The following MTAP variants were observed in gnomAD, a reference collection of about 807,000 sequenced individuals.
MTAP encodes the protein methylthioadenosine phosphorylase.
A neutral mutation model predicts 33.6 loss-of-function variants in MTAP; 33 were observed. The observed-to-expected ratio is 0.98, with a 90% CI of 0.74 to 1.31. The LOEUF is 1.31. MTAP is among the 40% of genes most tolerant of loss of function. MTAP has a pLI of 0.00. For synonymous variants in MTAP, 148 were observed against 125.7 expected (o/e 1.18, Z -1.19); for missense variants, 367 against 360.0 (o/e 1.02, Z -0.16).
intron 1 of MTAP, chr9:21,892,428 T>C (rs564781744): frequency 6.6e-6 from 1 of 151,950 alleles, no homozygotes. Context: ...TGGAGAAAAA[T>C]CTACCAAGCA....
intron 4 of MTAP, among the ~76,000 whole-genome samples, chr9:21,831,398 C>T (rs1420818710): frequency 6.6e-6 from 1 of 152,072 alleles, no homozygotes; most frequent in Admixed American, 6.5e-5. Flanking sequence ...GTGCAGTGGC[C>T]TGATCGCAGC....
At chr9:21,822,374 C>T (rs951827502) in intron 4 of MTAP, among the ~76,000 whole-genome samples, 4 of 152,130 alleles carry the variant, frequency 2.6e-5, no homozygotes, top group African/African-American at 9.7e-5. Context: ...TTTCTGCCTT[C>T]GTTTTGTTAT....
In MTAP at chr9:21,930,816, C is replaced by G. The variant is rs1029664460; in HGVS notation, c.148-192C>G. On this transcript the variant is annotated intron_variant, in intron 1 of 1. Coordinates refer to the MTAP transcript ENST00000577563. ...AAAAGTACAAAACAACATCAGACAA[C>G]TCCTAAATCGAGCCTCCAGCTTACA... is the stretch of plus-strand genomic sequence containing the variant. 2.3e-5 allele frequency: 16 copies of G among 697,232 alleles called. No individual in the cohort carries two copies. In the Admixed American group the frequency reaches 3.8e-4, roughly 17 times the overall value. The allele number at this position is 697,232 out of a possible 1,614,324, so 43.2% of individuals were successfully genotyped here. A position where few individuals can be genotyped will look rare whatever the true frequency, so the allele number is the denominator to read the frequency against.
chr9:21,815,187 A>C (rs1207197698), intron 1 of MTAP, among the ~76,000 whole-genome samples: 1 of 152,246 alleles, frequency 6.6e-6, no homozygotes, highest in Admixed American at 6.5e-5. Flanking sequence ...AATGTGATGT[A>C]GTCCAAAAAG....
chr9:21,897,990 G>C (rs1195197298), intron 1 of MTAP, among the ~76,000 whole-genome samples: 1 of 152,066 alleles, frequency 6.6e-6, no homozygotes, highest in Non-Finnish European at 1.5e-5. Flanking sequence ...TATACTACAA[G>C]GCTACAGTAA....
intron 5 of MTAP, among the ~76,000 whole-genome samples, chr9:21,848,504 C>A (rs1245246476): frequency 6.6e-6 from 1 of 151,996 alleles, no homozygotes; most frequent in African/African-American, 2.4e-5. Context: ...TATTTACTTG[C>A]TTGGTTTGCT....
At chr9:21,867,398 C>T (rs1825870477), downstream of MTAP, among the ~76,000 whole-genome samples, 1 of 152,064 alleles carries the variant, frequency 6.6e-6, no homozygotes. Context: ...TGTTGAATTT[C>T]ACCAAGTACT....
chr9:21,895,803 G>C (rs1380061295), intron 1 of MTAP, among the ~76,000 whole-genome samples: 1 of 152,134 alleles, frequency 6.6e-6, no homozygotes, highest in African/African-American at 2.4e-5. Context: ...GGTAAACAAA[G>C]CGGCCAGGAA....
intron 4 of MTAP, among the ~76,000 whole-genome samples, chr9:21,822,160 G>C (rs1169071998): frequency 6.6e-6 from 1 of 151,804 alleles, no homozygotes; most frequent in African/African-American, 2.4e-5. Context: ...GTTATTTCTT[G>C]TCTTCTGCTA....
chr9:21,927,786 C>T (rs1333127836), intron 1 of MTAP, among the ~76,000 whole-genome samples: 2 of 152,198 alleles, frequency 1.3e-5, no homozygotes, highest in African/African-American at 4.8e-5. Context: ...AGAATAACCA[C>T]ATATACAGAT....
intron 1 of MTAP, 199 bp downstream of exon 1, chr9:21,802,980 C>CA: frequency 1.6e-6 from 1 of 633,922 alleles, no homozygotes; most frequent in Admixed American, 6.9e-5. Flanking sequence ...CCCTGCCGCA[C>CA]CGCCAACACA....
At chr9:21,803,193 G>C (rs1462052210) in intron 1 of MTAP, 1 of 366,638 alleles carries the variant, frequency 2.7e-6, no homozygotes. Flanking sequence ...GGAGGTGTCC[G>C]GGCGCCTGCA....
At chr9:21,845,079 T>C (rs1055923841) in intron 5 of MTAP, among the ~76,000 whole-genome samples, 3 of 150,450 alleles carry the variant, frequency 2.0e-5, no homozygotes, top group East Asian at 1.9e-4. Context: ...CAGTGTTATA[T>C]TGAACAGGGA....
chr9:21,816,750 G>T lies in MTAP; in HGVS notation c.157G>T (p.Val53Phe), dbSNP rs772657363. Residue 53 changes from valine to phenylalanine, a missense_variant, in exon 3 of 8, where the codon GTT (valine) becomes TTT (phenylalanine). Coordinates refer to ENST00000644715, the MANE Select transcript of MTAP (RefSeq NM_002451.4). ...CTTAATTTTGGGGAAGATAAAAAAT[G>T]TTGATTGCGTCCTCCTTGCAAGGTA... is the stretch of plus-strand genomic sequence containing the variant. ...DALILGKIKN[V>F]DCVLLARHGR... 6.2e-7 allele frequency: 1 copy of T among 1,612,046 alleles called. No individual in the cohort carries two copies. The highest frequency in any genetic ancestry group is 8.5e-7 in the Non-Finnish European group (1 of 1,179,202).
At chr9:21,818,291 G>A in intron 4 of MTAP, 89 bp downstream of exon 4, 1 of 1,105,584 alleles carries the variant, frequency 9.0e-7, no homozygotes, top group Non-Finnish European at 1.3e-6. Flanking sequence ...AGGGCAACTG[G>A]GAGGGCAGTG....
In MTAP at chr9:21,862,267, A is replaced by G; in HGVS notation, c.*253A>G. On this transcript the variant is annotated 3_prime_UTR_variant, in exon 8 of 8. Transcript: ENST00000644715. ...AAAATATTACATTTTAAGGGGGAAA[A>G]AAAAACCCACCATTCTCTTCTCCCC... 2.2e-6 allele frequency: 2 copies of G among 901,260 alleles called. No individual in the cohort carries two copies. The highest frequency in any genetic ancestry group is 6.6e-5 in the South Asian group (2 of 30,106). The allele number at this position is 901,260 out of a possible 1,614,324, so 55.8% of individuals were successfully genotyped here. A position where few individuals can be genotyped will look rare whatever the true frequency, so the allele number is the denominator to read the frequency against.
At chr9:21,913,166 G>A (rs931673081) in intron 1 of MTAP, among the ~76,000 whole-genome samples, 7 of 152,220 alleles carry the variant, frequency 4.6e-5, no homozygotes, top group African/African-American at 1.7e-4. Context: ...CATGCTCATG[G>A]ATAGGAAGAA....
chr9:21,817,704 G>T (rs1202220855), intron 3 of MTAP, among the ~76,000 whole-genome samples: 4 of 151,994 alleles, frequency 2.6e-5, no homozygotes, highest in Non-Finnish European at 5.9e-5. Flanking sequence ...GCAAGGTAGA[G>T]CCTAATCGTG....
At chr9:21,900,637 A>G (rs1818375873) in intron 1 of MTAP, among the ~76,000 whole-genome samples, 1 of 152,148 alleles carries the variant, frequency 6.6e-6, no homozygotes, top group Non-Finnish European at 1.5e-5. Context: ...AAACAAAACT[A>G]CCATTCAACC....
Sources: allele counts gnomAD v4.1 joint callset (sites outside exome capture counted in the v4.1 genomes callset), GRCh38; gene constraint gnomAD v4.1.1; transcripts MANE v1.5; gene names NCBI Gene and HGNC (gene_info 2026-07-23, HGNC 2026-07-21).